SLIT1: variants seen among roughly 807,000 people sequenced by gnomAD.
The protein encoded by SLIT1 is slit homolog 1 protein.
A neutral mutation model predicts 186.1 loss-of-function variants in SLIT1; 66 were observed. That is an observed-to-expected ratio of 0.35 (90% CI 0.29 to 0.44). The LOEUF (loss-of-function observed/expected upper bound fraction) is 0.44, where lower values mean the gene tolerates loss of function less well. SLIT1 is among the 20% of genes least tolerant of loss of function. SLIT1 has a pLI of 1.00. For missense variants in SLIT1, 1,638 were observed against 2,037.4 expected (o/e 0.80, Z 3.77); for synonymous variants, 761 against 833.8 (o/e 0.91, Z 1.50).
intron 4 of SLIT1, among the ~76,000 whole-genome samples, chr10:97,066,983 C>CT (rs1848953246): frequency 6.6e-6 from 1 of 152,196 alleles, no homozygotes; most frequent in Non-Finnish European, 1.5e-5. Flanking sequence ...GGCTTACGCT[C>CT]TGTGTCTTAT....
intron 23 of SLIT1, among the ~76,000 whole-genome samples, chr10:97,032,548 G>A (rs967594639): frequency 1.5e-4 from 23 of 148,962 alleles, no homozygotes; most frequent in African/African-American, 5.2e-4. Flanking sequence ...CAGCCTGGGC[G>A]ACAGAGCGAG....
intron 4 of SLIT1, among the ~76,000 whole-genome samples, chr10:97,082,792 C>A (rs185674907): frequency 6.6e-6 from 1 of 152,078 alleles, no homozygotes; most frequent in Admixed American, 6.5e-5. Context: ...TGGTGTGGGA[C>A]GTTAATAGTC....
At chr10:97,026,447 A>T (rs2134605286) in intron 25 of SLIT1, among the ~76,000 whole-genome samples, 1 of 150,800 alleles carries the variant, frequency 6.6e-6, no homozygotes, top group South Asian at 2.1e-4. Context: ...CTGGGCGATA[A>T]GAGCGAAACT....
At chr10:97,009,546 G>T (rs527528515) in intron 31 of SLIT1, among the ~76,000 whole-genome samples, 1 of 152,082 alleles carries the variant, frequency 6.6e-6, no homozygotes, top group South Asian at 2.1e-4. Context: ...GACAACATAG[G>T]TATAAATCTT....
chr10:97,068,120 C>T lies in SLIT1; in HGVS notation c.414-2034G>A, dbSNP rs113550352. ...CAGTGCCTGGCCCACATCAGCCACT[C>T]GCCAAGCATTTGTTGAATGAATGAA... On this transcript the variant is annotated intron_variant, in intron 4 of 36. Transcript: ENST00000266058. This position sits in a 1 kb window ranked among gnomAD's most constrained non-coding sequence, Gnocchi z 4.2. Among the ~76,000 whole-genome samples the T allele has an allele frequency of 1.4e-5, 2 of 146,688 alleles. No individual in the cohort carries two copies. Among genetic ancestry groups the T allele is most frequent in the African/African-American group, 5.5e-5 (2 of 36,452 alleles).
chr10:97,089,010 G>T (rs546686132), intron 4 of SLIT1, among the ~76,000 whole-genome samples: 1 of 152,336 alleles, frequency 6.6e-6, no homozygotes, highest in Admixed American at 6.5e-5. Context: ...CCAGCCTGCA[G>T]GTGCACTCCT....
At chr10:97,037,048 T>TTGTGTGTGTGTGTGTGTG (rs59578209) in intron 22 of SLIT1, among the ~76,000 whole-genome samples, 1 of 116,882 alleles carries the variant, frequency 8.6e-6, no homozygotes, top group African/African-American at 3.5e-5. Context: ...ATAACCCCCT[T>TTGTGTGTGTGTGTGTGTG]TGTGTGTGTG....
At chr10:97,098,283 T>C (rs1020426137) in intron 4 of SLIT1, among the ~76,000 whole-genome samples, 2 of 152,180 alleles carry the variant, frequency 1.3e-5, no homozygotes, top group African/African-American at 4.8e-5. Context: ...TGAGTACCAT[T>C]TTCTGTTCAC....
Position 97,185,576 on chromosome 10 carries a change from C to G in SLIT1, c.99G>C (p.Ala33=). The change falls in exon 1 of 37, where the codon GCG becomes GCC. Residue 33 remains alanine, a synonymous_variant. Transcript: ENST00000266058. ...CGGTGCAGGTGCAGAGGGCGGGGCA[C>G]GCCGAGGCACCCAGGCGCCACGCGG... ...WAAAWRLGAS[A]CPALCTCTGT... is the part of the protein sequence containing the mutation. 1 of 1,606,072 alleles carries G rather than the reference C, an allele frequency of 6.2e-7. No homozygotes were observed. Among genetic ancestry groups the G allele is most frequent in the Non-Finnish European group, 8.5e-7 (1 of 1,177,368 alleles).
chr10:97,021,232 C>CT lies in SLIT1; in HGVS notation c.2746+17dup, dbSNP rs1848499545. The CT allele has an allele frequency of 1.2e-6, 2 of 1,610,154 alleles. No individual in the cohort carries two copies. Among genetic ancestry groups the CT allele is most frequent in the Non-Finnish European group, 1.7e-6 (2 of 1,177,932 alleles). On this transcript the variant is annotated intron_variant, in intron 26 of 36. Transcript: ENST00000266058. This position sits in a 1 kb window ranked among gnomAD's most constrained non-coding sequence, Gnocchi z 4.5. ...TCTGTGAGCCCCCAGCAGCAGGAGG[C>CT]TGTGCTCCTAGGCTCACCTTGGCAT...
intron 4 of SLIT1, among the ~76,000 whole-genome samples, chr10:97,128,314 A>T (rs1849622262): frequency 6.6e-6 from 1 of 152,154 alleles, no homozygotes; most frequent in Admixed American, 6.5e-5. Flanking sequence ...AATGTGGGTA[A>T]TCATAAAGAT....
rs540877128 is a variant in SLIT1 at position 97,010,611 on chromosome 10, T to TG, written c.3341+381dup. 2.0e-5 allele frequency among the ~76,000 whole-genome samples: 3 copies of TG among 152,318 alleles called. No homozygotes were observed. The highest frequency in any genetic ancestry group is 1.9e-4 in the East Asian group (1 of 5,176). ...TTTTAACAAATGAGTGAGCAGAGCA[T>TG]GGGACGTGGGTGGCCAGAGGGAGGG... On this transcript the variant is annotated intron_variant, in intron 31 of 36. Transcript: ENST00000266058. This position sits in a 1 kb window ranked among gnomAD's most constrained non-coding sequence, Gnocchi z 4.8.
chr10:97,040,656 T>C (rs556689086), intron 20 of SLIT1, among the ~76,000 whole-genome samples: 101 of 152,326 alleles, frequency 6.6e-4, no homozygotes, highest in Non-Finnish European at 1.1e-3. Flanking sequence ...TATTGAGGTC[T>C]GGAGACGTTA....
intron 1 of SLIT1, among the ~76,000 whole-genome samples, chr10:97,172,269 C>T (rs545671975): frequency 6.6e-6 from 1 of 152,122 alleles, no homozygotes; most frequent in Non-Finnish European, 1.5e-5. Flanking sequence ...TGATCTCCAA[C>T]TCCTGACCTC....
intron 4 of SLIT1, among the ~76,000 whole-genome samples, chr10:97,137,829 A>G (rs1849717622): frequency 6.6e-6 from 1 of 152,150 alleles, no homozygotes; most frequent in African/African-American, 2.4e-5. Flanking sequence ...ATGGTTTACC[A>G]CATGTTGGGC....
intron 4 of SLIT1, among the ~76,000 whole-genome samples, chr10:97,116,902 C>T (rs903382524): frequency 2.6e-5 from 4 of 152,184 alleles, no homozygotes; most frequent in African/African-American, 9.7e-5. Flanking sequence ...CTGCCCACCC[C>T]CTCCTTCCAC....
Position 97,031,681 on chromosome 10 carries a change from CG to C in SLIT1, c.2439-5del. The C allele has an allele frequency of 6.5e-7, 1 of 1,550,102 alleles. No homozygotes were observed. The highest frequency in any genetic ancestry group is 1.4e-5 in the African/African-American group (1 of 73,150). ...CAGGGCATTGTAGCTGAGGATCCTG[CG>C]GAGGAAGGAGATGGAGGAAGGGCAC... On this transcript the variant is annotated splice_polypyrimidine_tract_variant and splice_region_variant and intron_variant, in intron 23 of 36. Coordinates refer to ENST00000266058, the MANE Select transcript of SLIT1 (RefSeq NM_003061.3).
chr10:97,164,295 C>T (rs184602981), intron 2 of SLIT1, among the ~76,000 whole-genome samples: 57 of 152,108 alleles, frequency 3.7e-4, no homozygotes, highest in Non-Finnish European at 7.4e-4. Flanking sequence ...GGGGGGGAAC[C>T]GCCACCAGAT....
At chr10:97,030,630 G>A in intron 25 of SLIT1, 127 bp downstream of exon 25, 1 of 752,704 alleles carries the variant, frequency 1.3e-6, no homozygotes, top group Non-Finnish European at 2.3e-6. Context: ...GTGCACGTGG[G>A]AAGTTCCCAA....
Sources: gnomAD v4.1 joint callset for allele counts (sites outside exome capture counted in the v4.1 genomes callset) on GRCh38, gnomAD v4.1.1 for gene constraint, Gnocchi (gnomAD v3.1) non-coding constraint, MANE v1.5 for transcripts, NCBI Gene and HGNC (gene_info 2026-07-23, HGNC 2026-07-21) for gene names.